Variants in GNA12 observed in about 807,000 individuals in gnomAD.
GNA12 encodes G protein subunit alpha 12.
In GNA12, 9 loss-of-function variants were observed where a neutral mutation model predicts 26.0. The ratio of observed to expected loss-of-function variants is 0.35; its 90% CI spans 0.21 to 0.60. The LOEUF (loss-of-function observed/expected upper bound fraction) is 0.60. GNA12 is among the 20% of genes least tolerant of loss of function. GNA12 has a pLI of 0.78. For synonymous variants in GNA12, 264 were observed against 219.6 expected, an observed-to-expected ratio of 1.20 and a Z score of -1.79; for missense variants, 405 against 525.8, an observed-to-expected ratio of 0.77 and a Z score of 2.25.
chr7:2,787,169 G>C (rs1160671641), intron 2 of GNA12, among the ~76,000 whole-genome samples: 1 of 152,192 alleles, frequency 6.6e-6, no homozygotes, highest in African/African-American at 2.4e-5. Flanking sequence ...AGCTGTGTGA[G>C]CAATAGGCGA....
intron 1 of GNA12, among the ~76,000 whole-genome samples, chr7:2,831,461 TGGC>T (rs1778653363): frequency 2.8e-5 from 4 of 143,694 alleles, no homozygotes; most frequent in African/African-American, 7.5e-5. Context: ...TGGAGTGCAG[TGGC>T]GCGATCTCTG....
In GNA12 at chr7:2,747,630, T is replaced by G. The variant is rs570994662; in HGVS notation, c.526-14129A>C. On this transcript the variant is annotated intron_variant, in intron 2 of 3. Transcript: ENST00000275364. ...TGGCACAAGACAGGGATGCCCTCTC[T>G]CACCACTCCTATTCAATATAGTGTT... Among the ~76,000 whole-genome samples the G allele has an allele frequency of 1.1e-4, 17 of 152,300 alleles. No homozygotes were observed. The East Asian group carries it at 3.3e-3, about 29-fold the overall frequency.
chr7:2,742,316 T>C (rs761362964), intron 2 of GNA12, among the ~76,000 whole-genome samples: 5 of 152,116 alleles, frequency 3.3e-5, no homozygotes, highest in Admixed American at 6.5e-5. Context: ...ACGCCCAGCC[T>C]ACACTGAGAT....
intron 1 of GNA12, among the ~76,000 whole-genome samples, chr7:2,833,785 C>G (rs192356536): frequency 2.0e-5 from 3 of 152,156 alleles, no homozygotes; most frequent in Admixed American, 2.0e-4. Context: ...TGCCGCCACG[C>G]AAACCCGCCG....
intron 1 of GNA12, among the ~76,000 whole-genome samples, chr7:2,816,991 T>G (rs2115490692): frequency 6.6e-6 from 1 of 152,260 alleles, no homozygotes; most frequent in African/African-American, 2.4e-5. Context: ...CTCCTACCCC[T>G]GGAGGAGGTC....
At chr7:2,777,848 G>A (rs1355144109) in intron 2 of GNA12, among the ~76,000 whole-genome samples, 1 of 152,194 alleles carries the variant, frequency 6.6e-6, no homozygotes, top group Non-Finnish European at 1.5e-5. Flanking sequence ...AGATGTGAAA[G>A]GCTCATAAAT....
At chr7:2,788,923 G>A (rs1019770402) in intron 2 of GNA12, among the ~76,000 whole-genome samples, 1 of 151,674 alleles carries the variant, frequency 6.6e-6, no homozygotes, top group African/African-American at 2.4e-5. Flanking sequence ...GGGCTCAAGC[G>A]ATTCTCCTGC....
intron 2 of GNA12, among the ~76,000 whole-genome samples, chr7:2,769,791 A>C (rs1201059857): frequency 6.6e-6 from 1 of 152,140 alleles, no homozygotes; most frequent in Non-Finnish European, 1.5e-5. Context: ...TCTCTCCCAA[A>C]AAGGTTGTAC....
chr7:2,814,459 T>A lies in GNA12; in HGVS notation c.310-19316A>T, dbSNP rs541864667. On this transcript the variant is annotated intron_variant, in intron 1 of 3. Transcript: ENST00000275364. ...AATTAGAGACATCAGAATAAAGCCCTGCTCAAGCTTCTCCAAGCTCACAAA... is the reference window on the plus strand; with the variant it reads ...AATTAGAGACATCAGAATAAAGCCCAGCTCAAGCTTCTCCAAGCTCACAAA... 23 of 917,160 alleles carry A rather than the reference T, an allele frequency of 2.5e-5. No individual in the cohort carries two copies. The African/African-American group carries it at 3.1e-4, about 12-fold the overall frequency. The allele number at this position is 917,160 out of a possible 1,614,324, so 56.8% of individuals were successfully genotyped here.
chr7:2,781,407 AGTGTCTGTGT>A (rs2115436078), intron 2 of GNA12, among the ~76,000 whole-genome samples: 1 of 58,928 alleles, frequency 1.7e-5, no homozygotes, highest in Admixed American at 2.0e-4. Context: ...TTTCAAAGTA[AGTGTCTGTGT>A]GTGTGTGTGT....
chr7:2,774,670 G>A (rs1194229727), intron 2 of GNA12, among the ~76,000 whole-genome samples: 3 of 152,328 alleles, frequency 2.0e-5, no homozygotes, highest in East Asian at 3.9e-4. Flanking sequence ...CAGTCAACAC[G>A]TGTCACTGAA....
At chr7:2,783,950 G>T (rs1792298181) in intron 2 of GNA12, among the ~76,000 whole-genome samples, 1 of 152,036 alleles carries the variant, frequency 6.6e-6, no homozygotes, top group South Asian at 2.1e-4. Flanking sequence ...CTCCCAAAGT[G>T]CTGGGATTAC....
At chr7:2,835,426 T>C (rs942464036) in intron 1 of GNA12, among the ~76,000 whole-genome samples, 1 of 152,182 alleles carries the variant, frequency 6.6e-6, no homozygotes, top group African/African-American at 2.4e-5. Flanking sequence ...CCGGTCCCTT[T>C]AACTGGCATG....
intron 2 of GNA12, among the ~76,000 whole-genome samples, chr7:2,744,022 A>G (rs1455588516): frequency 6.6e-6 from 1 of 152,210 alleles, no homozygotes; most frequent in Admixed American, 6.5e-5. Context: ...AGCAGCCGGG[A>G]AGCTCAAACT....
intron 2 of GNA12, chr7:2,763,047 C>T: frequency 7.2e-6 from 9 of 1,247,566 alleles, no homozygotes; most frequent in Non-Finnish European, 9.0e-6. Flanking sequence ...GCGTGCCGTT[C>T]CTCCAGGACG....
chr7:2,791,786 G>C (rs1792526189), intron 2 of GNA12, among the ~76,000 whole-genome samples: 1 of 152,180 alleles, frequency 6.6e-6, no homozygotes, highest in Admixed American at 6.5e-5. Context: ...TTTCAGTTTT[G>C]CTGTAATTGT....
intron 2 of GNA12, among the ~76,000 whole-genome samples, chr7:2,740,189 C>T (rs933847859): frequency 1.3e-5 from 2 of 152,086 alleles, no homozygotes; most frequent in Non-Finnish European, 2.9e-5. Flanking sequence ...TCTGGCATTT[C>T]CTGGTGATCT....
At chr7:2,788,272 C>A (rs557341565) in intron 2 of GNA12, among the ~76,000 whole-genome samples, 33 of 152,328 alleles carry the variant, frequency 2.2e-4, no homozygotes, top group Admixed American at 1.2e-3. Context: ...CTCCCCGGGA[C>A]AGTTTGCTGG....
intron 1 of GNA12, among the ~76,000 whole-genome samples, chr7:2,833,907 G>A (rs1430414998): frequency 6.6e-6 from 1 of 152,052 alleles, no homozygotes; most frequent in East Asian, 1.9e-4. Context: ...AAAAGTACAT[G>A]TGATACAGCA....
Sources: gnomAD v4.1 joint callset for allele counts (sites outside exome capture counted in the v4.1 genomes callset) on GRCh38, gnomAD v4.1.1 for gene constraint, MANE v1.5 for transcripts, NCBI Gene and HGNC (gene_info 2026-07-23, HGNC 2026-07-21) for gene names.